Variants in CDH18 observed in about 807,000 individuals in gnomAD.
CDH18 encodes the protein cadherin 18.
A neutral mutation model predicts 67.9 loss-of-function variants in CDH18; 31 were observed. The observed-to-expected ratio is 0.46, with a 90% CI of 0.34 to 0.62. The LOEUF (loss-of-function observed/expected upper bound fraction) is 0.62, where lower values mean the gene tolerates loss of function less well. CDH18 is among the 20% of genes least tolerant of loss of function. The pLI, the probability that CDH18 is intolerant of heterozygous loss-of-function variation, is 0.01. For missense variants in CDH18, 890 were observed against 975.5 expected, an observed-to-expected ratio of 0.91 and a Z score of 1.17; for synonymous variants, 362 against 347.2, an observed-to-expected ratio of 1.04 and a Z score of -0.48.
At chr5:20,266,229 T>C (rs1745021765) in intron 1 of CDH18, among the ~76,000 whole-genome samples, 2 of 149,502 alleles carry the variant, frequency 1.3e-5, no homozygotes, top group South Asian at 4.3e-4. Context: ...TCTATCTACC[T>C]AGCTTATTGG....
At chr5:20,239,931 T>C (rs577007460) in intron 2 of CDH18, among the ~76,000 whole-genome samples, 2 of 151,828 alleles carry the variant, frequency 1.3e-5, no homozygotes, top group East Asian at 1.9e-4. Flanking sequence ...ACAGAGAATA[T>C]AGACTTCCGA....
intron 3 of CDH18, among the ~76,000 whole-genome samples, chr5:19,819,943 G>A (rs1487287664): frequency 1.3e-5 from 2 of 152,160 alleles, no homozygotes; most frequent in Non-Finnish European, 2.9e-5. Context: ...CCCCAGCTGA[G>A]TGTTTTTCCA....
rs1022411754 is a variant in CDH18 at position 19,820,047 on chromosome 5, G to A, written c.228+18712C>T. 2.0e-5 allele frequency among the ~76,000 whole-genome samples: 3 copies of A among 152,182 alleles called. No individual in the cohort carries two copies. The South Asian group carries it at 6.2e-4, about 32-fold the overall frequency. On this transcript the variant is annotated intron_variant, in intron 3 of 12. Transcript: ENST00000382275. ...TTGGGCTTAGTCCCAACCCTCCAGG[G>A]TTTGAGCAAAACACCCAGGAGTATT...
intron 2 of CDH18, among the ~76,000 whole-genome samples, chr5:19,855,088 G>A (rs1175146437): frequency 2.6e-5 from 4 of 151,566 alleles, no homozygotes; most frequent in Non-Finnish European, 5.9e-5. Context: ...TCTTTTTTAT[G>A]GCTAAGTAAT....
chr5:19,588,013 A>G (rs1206574237), intron 7 of CDH18, among the ~76,000 whole-genome samples: 3 of 151,988 alleles, frequency 2.0e-5, no homozygotes, highest in Non-Finnish European at 4.4e-5. Context: ...TTCCCTTGTT[A>G]ACCATATCGC....
chr5:19,495,658 G>A (rs1000460490), intron 11 of CDH18, among the ~76,000 whole-genome samples: 2 of 142,572 alleles, frequency 1.4e-5, no homozygotes, highest in African/African-American at 5.3e-5. Flanking sequence ...GGCTGAGGTT[G>A]CCGAAAGCCG....
intron 5 of CDH18, among the ~76,000 whole-genome samples, chr5:19,650,183 T>C (rs72739160): frequency 1.3e-3 from 200 of 152,094 alleles, no homozygotes; most frequent in Non-Finnish European, 2.2e-3. Context: ...TGCCTCTTGA[T>C]GGTGGGAGCA....
chr5:20,048,589 T>G (rs1470490947), intron 2 of CDH18, among the ~76,000 whole-genome samples: 1 of 151,594 alleles, frequency 6.6e-6, no homozygotes, highest in African/African-American at 2.4e-5. Flanking sequence ...GTGAGAACTT[T>G]CAGGCGGTAA....
At chr5:20,204,651 G>A (rs978185066) in intron 2 of CDH18, among the ~76,000 whole-genome samples, 2 of 152,050 alleles carry the variant, frequency 1.3e-5, no homozygotes, top group African/African-American at 2.4e-5. Context: ...GTAGAATGAA[G>A]CCTAAAAGAG....
intron 11 of CDH18, among the ~76,000 whole-genome samples, chr5:19,489,250 C>CTTTTTTTTTTTTTTTTTTT (rs1237810466): frequency 7.8e-6 from 1 of 128,130 alleles, no homozygotes; most frequent in Non-Finnish European, 1.7e-5. Flanking sequence ...TTTTTTTTTT[C>CTTTTTTTTTTTTTTTTTTT]TTTTTTTTTT....
chr5:19,938,282 T>C (rs1415259258), intron 2 of CDH18, among the ~76,000 whole-genome samples: 1 of 151,140 alleles, frequency 6.6e-6, no homozygotes, highest in Non-Finnish European at 1.5e-5. Context: ...ACTTACTCTA[T>C]TGTCATGGTT....
intron 9 of CDH18, among the ~76,000 whole-genome samples, chr5:19,535,570 T>A (rs1749287598): frequency 3.9e-5 from 6 of 152,202 alleles, no homozygotes. Flanking sequence ...CTAAATTTCA[T>A]TTCTATTATC....
intron 1 of CDH18, among the ~76,000 whole-genome samples, chr5:20,438,140 T>C (rs189492961): frequency 2.3e-4 from 35 of 151,288 alleles, no homozygotes; most frequent in Admixed American, 1.1e-3. Flanking sequence ...CATGCTGATA[T>C]ATCATCCCTA....
At chr5:20,199,821 G>A (rs1156914907) in intron 2 of CDH18, among the ~76,000 whole-genome samples, 1 of 152,156 alleles carries the variant, frequency 6.6e-6, no homozygotes, top group East Asian at 1.9e-4. Flanking sequence ...GTGAAAGTGA[G>A]TGAATTTTCA....
chr5:20,017,818 G>A (rs1355337682), intron 2 of CDH18, among the ~76,000 whole-genome samples: 1 of 152,150 alleles, frequency 6.6e-6, no homozygotes, highest in Non-Finnish European at 1.5e-5. Context: ...TAGTCACGCT[G>A]TTAAGGATGT....
intron 2 of CDH18, among the ~76,000 whole-genome samples, chr5:19,873,472 T>A (rs1052588983): frequency 6.6e-6 from 1 of 151,870 alleles, no homozygotes; most frequent in Non-Finnish European, 1.5e-5. Context: ...GAGAAGAGGC[T>A]TAGGAAAGGC....
chr5:20,142,122 T>C (rs1750290993), intron 2 of CDH18, among the ~76,000 whole-genome samples: 1 of 152,056 alleles, frequency 6.6e-6, no homozygotes, highest in Admixed American at 6.6e-5. Context: ...AAGCAAATGA[T>C]TTGTGGTCTC....
At chr5:19,588,352 T>C (rs1407813232) in intron 7 of CDH18, among the ~76,000 whole-genome samples, 5 of 151,986 alleles carry the variant, frequency 3.3e-5, no homozygotes, top group African/African-American at 1.2e-4. Flanking sequence ...GACAAATAAA[T>C]GCTGAGGGAA....
rs76279754 is a variant in CDH18, at chr5:20,455,048, T to C, written c.-580+120414A>G. ...TGTTACCTCTCCTAATGCGAGCCAA[T>C]GCTTTGAGCTTGAAGAAAACTGTGA... On this transcript the variant is annotated intron_variant, in intron 1 of 14. Transcript: ENST00000507958. 9.1e-3 allele frequency among the ~76,000 whole-genome samples: 1,354 copies of C among 149,560 alleles called. 20 individuals carry two copies. The highest frequency in any genetic ancestry group is 0.032 in the African/African-American group (1,297 of 40,504).
Sources: gnomAD v4.1 joint callset for allele counts (sites outside exome capture counted in the v4.1 genomes callset) on GRCh38, gnomAD v4.1.1 for gene constraint, MANE v1.5 for transcripts, NCBI Gene and HGNC (gene_info 2026-07-23, HGNC 2026-07-21) for gene names.